Variants in USP33 observed in about 807,000 individuals in gnomAD.
The protein encoded by USP33 is ubiquitin carboxyl-terminal hydrolase 33.
USP33 carries 46 observed loss-of-function variants against 124.2 expected under a neutral mutation model. That is an observed-to-expected ratio of 0.37 (90% CI 0.29 to 0.47). USP33 has a LOEUF of 0.47. Among genes scored for constraint, USP33 ranks in the 20% least tolerant of loss-of-function variants. USP33 has a pLI of 0.99. For synonymous variants in USP33, 350 were observed against 352.3 expected, an observed-to-expected ratio of 0.99 and a Z score of 0.07; for missense variants, 851 against 1,070.6, an observed-to-expected ratio of 0.79 and a Z score of 2.86.
chr1:77,739,194 A>G (rs1299254236), intron 5 of USP33, 71 bp downstream of exon 5: 2 of 1,525,404 alleles, frequency 1.3e-6, no homozygotes, highest in Non-Finnish European at 8.8e-7. Context: ...TGAAAATTTC[A>G]GCTACATGAC....
chr1:77,743,520 A>G (rs12128041), intron 1 of USP33, among the ~76,000 whole-genome samples: 37,246 of 151,826 alleles, frequency 0.25, 4,723 homozygotes, highest in South Asian at 0.35. Flanking sequence ...TGTCACTCAC[A>G]CTGGAGTACA....
intron 14 of USP33, 103 bp from the exon 15 acceptor site, chr1:77,721,308 G>A: frequency 8.1e-7 from 1 of 1,239,450 alleles, no homozygotes; most frequent in Non-Finnish European, 1.2e-6. Flanking sequence ...TCCCAGCACA[G>A]AAAAACAAGG....
rs1196607747 is a variant in USP33 at position 77,725,617 on chromosome 1, T to C, written c.1276+5A>G. On this transcript the variant is annotated splice_donor_5th_base_variant and intron_variant, in intron 11 of 23. Transcript: ENST00000370794. ...AAAAGAGACTGAATAAGAGAAACGT[T>C]TTACCTTTTTTGTGTGGTGGTGCCA... The C allele has an allele frequency of 1.2e-6, 2 of 1,613,690 alleles. No individual in the cohort carries two copies. The highest frequency in any genetic ancestry group is 3.3e-5 in the Admixed American group (2 of 59,920).
Position 77,715,847 on chromosome 1 carries a change from C to G in USP33, c.1940G>C (p.Cys647Ser). ...TASSGHYIAYCRNNLNNLWYE... is the reference protein window; with the variant it reads ...TASSGHYIAYSRNNLNNLWYE... The stretch of plus-strand genomic sequence containing the variant: ...CCAGAGATTATTTAGATTGTTTCGG[C>G]AGTAGGCTATATAGTGTCCACCTGA... Residue 647 changes from cysteine to serine, a missense_variant, in exon 18 of 24, where the codon TGC becomes TCC. Coordinates refer to ENST00000370794, the MANE Select transcript of USP33 (RefSeq NM_201624.3). 1 of 1,613,626 alleles carries G rather than the reference C, an allele frequency of 6.2e-7. No individual in the cohort carries two copies.
chr1:77,698,111 G>A (rs552190920), intron 22 of USP33, among the ~76,000 whole-genome samples, 180 bp from the exon 23 acceptor site: 18 of 151,098 alleles, frequency 1.2e-4, no homozygotes, highest in Non-Finnish European at 2.2e-4. Flanking sequence ...TGTTGCCCAG[G>A]CTGGAGTGCA....
chr1:77,746,087 C>T (rs1218026243), intron 1 of USP33, among the ~76,000 whole-genome samples: 2 of 152,094 alleles, frequency 1.3e-5, no homozygotes, highest in African/African-American at 4.8e-5. Context: ...ATTAATGAAT[C>T]CAGGAGCTGG....
At chr1:77,697,962 C>A in intron 22 of USP33, 31 bp from the exon 23 acceptor site, 2 of 1,564,190 alleles carry the variant, frequency 1.3e-6, no homozygotes, top group East Asian at 2.3e-5. Context: ...ATGTATTTTT[C>A]AAAGAAATGT....
intron 11 of USP33, among the ~76,000 whole-genome samples, chr1:77,724,719 C>A: frequency 6.6e-6 from 1 of 152,154 alleles, no homozygotes; most frequent in East Asian, 1.9e-4. Flanking sequence ...GGAAACAATT[C>A]AAAAGTCCAC....
chr1:77,705,243 G>T (rs1176605418), intron 21 of USP33, among the ~76,000 whole-genome samples: 2 of 150,532 alleles, frequency 1.3e-5, no homozygotes, highest in Non-Finnish European at 3.0e-5. Context: ...CATCCAGGCT[G>T]GAGTGCAGTG....
At chr1:77,723,472 C>T in intron 11 of USP33, 29 bp from the exon 12 acceptor site, 1 of 1,417,254 alleles carries the variant, frequency 7.1e-7, no homozygotes. Flanking sequence ...AAAAAAAAAT[C>T]AAAGCAGCTC....
chr1:77,736,263 T>C, intron 5 of USP33, 105 bp from the exon 6 acceptor site: 1 of 625,574 alleles, frequency 1.6e-6, no homozygotes, highest in South Asian at 3.4e-5. Context: ...ATTGAGATGT[T>C]ATTTTAATAG....
intron 22 of USP33, among the ~76,000 whole-genome samples, chr1:77,698,861 T>C (rs1673706877): frequency 6.6e-6 from 1 of 152,182 alleles, no homozygotes; most frequent in Non-Finnish European, 1.5e-5. Context: ...ACTAATGCTA[T>C]AAAATAGCAA....
intron 21 of USP33, among the ~76,000 whole-genome samples, chr1:77,702,784 G>A (rs192582096): frequency 7.3e-4 from 111 of 152,024 alleles, no homozygotes; most frequent in Middle Eastern, 3.4e-3. Flanking sequence ...AGCCAGTCTG[G>A]CTTCTACCAC....
At chr1:77,753,440 AT>A (rs1251792255) in intron 1 of USP33, among the ~76,000 whole-genome samples, 1 of 152,018 alleles carries the variant, frequency 6.6e-6, no homozygotes, top group African/African-American at 2.4e-5. Context: ...CAAAAAAAAA[AT>A]AATAATTTTT....
At chr1:77,720,462 A>G in intron 15 of USP33, 1 of 985,428 alleles carries the variant, frequency 1.0e-6, no homozygotes, top group Non-Finnish European at 1.2e-6. Flanking sequence ...ATCTTTATCA[A>G]CCAAATAGTA....
rs1443837185 is a variant in USP33, at chr1:77,722,147, C to T, written c.1439G>A (p.Gly480Asp). The T allele has an allele frequency of 6.2e-7, 1 of 1,613,704 alleles. No homozygotes were observed. Among genetic ancestry groups the T allele is most frequent in the African/African-American group, 1.3e-5 (1 of 74,962 alleles). The change falls in exon 13 of 24, where the codon GGC (glycine) becomes GAC (aspartate). Residue 480 changes from glycine (G) to aspartate (D), a missense_variant. Gly to Asp is a moderately conservative substitution (Grantham distance 94, BLOSUM62 -1). This residue lies in a region of USP33 where 281 missense variants were observed against 425.0 expected (regional missense o/e 0.66). Coordinates refer to ENST00000370794, the MANE Select transcript of USP33 (RefSeq NM_201624.3). ...TFQDLSLPIP[G>D]KEDLAKLHSS... ...ATGCAGCTTAGCAAGGTCTTCCTTGCCAGGAATTGGCAAGGACAGATCTTG... is the reference window on the plus strand; with the variant it reads ...ATGCAGCTTAGCAAGGTCTTCCTTGTCAGGAATTGGCAAGGACAGATCTTG...
At chr1:77,699,583 C>T (rs1673779299) in intron 22 of USP33, among the ~76,000 whole-genome samples, 1 of 152,168 alleles carries the variant, frequency 6.6e-6, no homozygotes, top group African/African-American at 2.4e-5. Context: ...AACACTTTTA[C>T]ACTGTTGGTG....
chr1:77,724,706 A>G (rs962062254), intron 11 of USP33, among the ~76,000 whole-genome samples: 1 of 152,228 alleles, frequency 6.6e-6, no homozygotes, highest in Admixed American at 6.5e-5. Context: ...ATTGCCAAAA[A>G]TTGGAAACAA....
chr1:77,714,884 T>G, intron 18 of USP33, 101 bp from the exon 19 acceptor site: 1 of 1,190,448 alleles, frequency 8.4e-7, no homozygotes, highest in Non-Finnish European at 1.2e-6. Context: ...ATTAACACTA[T>G]CTTTATTAGG....
Sources: gnomAD v4.1 joint callset for allele counts (sites outside exome capture counted in the v4.1 genomes callset) on GRCh38, gnomAD v4.1.1 for gene constraint, gnomAD v4.1.1 regional missense constraint, MANE v1.5 for transcripts, NCBI Gene and HGNC (gene_info 2026-07-23, HGNC 2026-07-21) for gene names.